Variants in PIP5K1C observed in about 807,000 individuals in gnomAD.
PIP5K1C encodes the protein phosphatidylinositol-4-phosphate 5-kinase type 1 gamma.
Under a neutral mutation model 80.1 loss-of-function variants are expected in PIP5K1C, and 45 were observed. That is an observed-to-expected ratio of 0.56 (90% CI 0.44 to 0.72). The LOEUF (loss-of-function observed/expected upper bound fraction) is 0.72, where lower values mean the gene tolerates loss of function less well. Ranked by LOEUF, PIP5K1C falls within the 30% of genes least tolerant of loss-of-function variation. The pLI is 0.00. For synonymous variants in PIP5K1C, 498 were observed against 420.1 expected (o/e 1.19, Z -2.27); for missense variants, 753 against 954.6 (o/e 0.79, Z 2.78).
intron 1 of PIP5K1C, among the ~76,000 whole-genome samples, chr19:3,681,970 C>T (rs570448027): frequency 5.3e-4 from 80 of 152,266 alleles, no homozygotes; most frequent in African/African-American, 1.8e-3. Context: ...TATGCTTCCA[C>T]GAGCCCAGAT....
intron 16 of PIP5K1C, chr19:3,636,481 C>T (rs1449718428): frequency 2.0e-6 from 2 of 985,476 alleles, no homozygotes; most frequent in South Asian, 4.7e-5. Context: ...CCAAGCACCC[C>T]CCTCCGTAGG....
Position 3,644,229 on chromosome 19 carries a change from CT to C in PIP5K1C, c.1367del (p.Lys456ArgfsTer9). The C allele has an allele frequency of 6.2e-7, 1 of 1,612,438 alleles. No homozygotes were observed. On this transcript the variant is annotated frameshift_variant, in exon 12 of 18. Coordinates refer to ENST00000335312, the MANE Select transcript of PIP5K1C (RefSeq NM_012398.3). LOFTEE classifies it high-confidence loss of function. The part of the protein sequence containing the change: ...KNSSLKSSPS[K>X]KGRGGALLAV... ...CTAGCAAGGCTCCGCCGCGCCCCTTCTTGGAGGGCGAGGACTTCAGGGCTGC... is the reference window on the plus strand; with the variant it reads ...CTAGCAAGGCTCCGCCGCGCCCCTTCTGGAGGGCGAGGACTTCAGGGCTGC...
intron 1 of PIP5K1C, among the ~76,000 whole-genome samples, chr19:3,697,288 G>C (rs1304421664): frequency 2.0e-5 from 3 of 150,860 alleles, no homozygotes; most frequent in African/African-American, 7.3e-5. Flanking sequence ...GCCGGATAGA[G>C]GACCGAGCCG....
intron 1 of PIP5K1C, among the ~76,000 whole-genome samples, chr19:3,690,165 G>A (rs2035902959): frequency 6.6e-6 from 1 of 151,682 alleles, no homozygotes; most frequent in Admixed American, 6.6e-5. Flanking sequence ...CATGGCTGTA[G>A]CATGAAGGTA....
Position 3,692,614 on chromosome 19 carries a change from G to A in PIP5K1C, c.94+7683C>T, listed in dbSNP as rs2035981169. On this transcript the variant is annotated intron_variant, in intron 1 of 17. Coordinates refer to ENST00000335312, the MANE Select transcript of PIP5K1C (RefSeq NM_012398.3). This position sits in a 1 kb window ranked among gnomAD's most constrained non-coding sequence, Gnocchi z 5.2. ...CCCAGCTTCGCCCACCTGGGCCAGT[G>A]CAGTCCCCTCTGCCCTGGTTCCCCT... Among the ~76,000 whole-genome samples the A allele has an allele frequency of 6.6e-6, 1 of 152,078 alleles. No homozygotes were observed. Among genetic ancestry groups the A allele is most frequent in the Non-Finnish European group, 1.5e-5 (1 of 67,996 alleles).
At chr19:3,670,604 A>C (rs1396041501) in intron 1 of PIP5K1C, among the ~76,000 whole-genome samples, 2 of 152,218 alleles carry the variant, frequency 1.3e-5, no homozygotes, top group African/African-American at 4.8e-5. Context: ...CAAGCCCCCC[A>C]GTCCCGGGGA....
At position 3,648,843 on chromosome 19, in the gene PIP5K1C, C is replaced by T; in HGVS notation, c.1128-135G>A. 1 of 705,238 alleles carries T rather than the reference C, an allele frequency of 1.4e-6. No homozygotes were observed. Among genetic ancestry groups the T allele is most frequent in the Admixed American group, 2.1e-5 (1 of 46,738 alleles). The allele number at this position is 705,238 out of a possible 1,614,324, so 43.7% of individuals were successfully genotyped here. A position where few individuals can be genotyped will look rare whatever the true frequency, so the allele number is the denominator to read the frequency against. On this transcript the variant is annotated intron_variant, in intron 8 of 17. Transcript: ENST00000335312. This position sits in a 1 kb window ranked among gnomAD's most constrained non-coding sequence, Gnocchi z 4.3. ...ACTTGGCCAAGCTCTCGGAGTGGGG[C>T]CTGGCACCCGGGAACCTCTGTCCTG...
At chr19:3,667,507 C>T (rs1223503657) in intron 1 of PIP5K1C, among the ~76,000 whole-genome samples, 154 bp from the exon 2 acceptor site, 1 of 152,236 alleles carries the variant, frequency 6.6e-6, no homozygotes, top group East Asian at 1.9e-4. Context: ...AAGACATGGA[C>T]TGAGTGCGCT....
intron 3 of PIP5K1C, 87 bp from the exon 4 acceptor site, chr19:3,662,088 A>C: frequency 3.4e-6 from 5 of 1,481,502 alleles, no homozygotes; most frequent in Non-Finnish European, 4.5e-6. Context: ...GGAGATCGTG[A>C]CCAGCTGCAG....
At chr19:3,658,521 A>G (rs2034716930) in intron 5 of PIP5K1C, among the ~76,000 whole-genome samples, 1 of 152,188 alleles carries the variant, frequency 6.6e-6, no homozygotes, top group South Asian at 2.1e-4. Context: ...CCTCCCAGAC[A>G]CAGGCGCAGC....
Position 3,633,462 on chromosome 19 carries a change from G to C in PIP5K1C, c.1979C>G (p.Pro660Arg). ...TGTGTCGCTCTCGCCGTCGGAGGCC[G>C]GGGGGGCCTGGGCGCTATAGTGGAG... ...SPLHYSAQAP[P>R]ASDGESDT The change falls in exon 17 of 18, where the codon CCG (proline) becomes CGG (arginine). Residue 660 changes from proline to arginine, a missense_variant. Physicochemically the swap from Pro to Arg is moderately radical, Grantham distance 103 (BLOSUM62 -2). Coordinates refer to ENST00000335312, the MANE Select transcript of PIP5K1C (RefSeq NM_012398.3). 1.4e-6 allele frequency: 2 copies of C among 1,472,100 alleles called. No individual in the cohort carries two copies. Among genetic ancestry groups the C allele is most frequent in the Non-Finnish European group, 9.1e-7 (1 of 1,104,808 alleles). The allele number at this position is 1,472,100 out of a possible 1,614,324, so 91.2% of individuals were successfully genotyped here.
chr19:3,685,871 A>AT (rs2035745108), intron 1 of PIP5K1C, among the ~76,000 whole-genome samples: 1 of 151,066 alleles, frequency 6.6e-6, no homozygotes, highest in South Asian at 2.2e-4. Flanking sequence ...GTTCATCTTG[A>AT]TTTTTTTGTA....
Position 3,647,401 on chromosome 19 carries a change from C to T in PIP5K1C, c.1212-15G>A. 1 of 1,574,806 alleles carries T rather than the reference C, an allele frequency of 6.3e-7. No individual in the cohort carries two copies. The highest frequency in any genetic ancestry group is 8.6e-7 in the Non-Finnish European group (1 of 1,159,240). On this transcript the variant is annotated splice_polypyrimidine_tract_variant and intron_variant, in intron 9 of 17. Coordinates refer to ENST00000335312, the MANE Select transcript of PIP5K1C (RefSeq NM_012398.3). ...TCTTGATGAACCTGTGGAGAGAGCA[C>T]CCGGAGTGGCAGCTGACATCAGCCA... is the stretch of plus-strand genomic sequence containing the variant.
At chr19:3,673,828 G>A (rs1336042521) in intron 1 of PIP5K1C, 3 of 152,460 alleles carry the variant, frequency 2.0e-5, no homozygotes, top group Non-Finnish European at 2.9e-5. Flanking sequence ...AGGCTGGGGT[G>A]GGGACCCGGA....
intron 1 of PIP5K1C, among the ~76,000 whole-genome samples, chr19:3,694,616 C>A (rs2036044916): frequency 6.6e-6 from 1 of 152,256 alleles, no homozygotes; most frequent in Non-Finnish European, 1.5e-5. Context: ...GATGCCCGTG[C>A]CACCCGCTGT....
rs375746488 is a variant in PIP5K1C, at chr19:3,690,469, C to T, written c.94+9828G>A. On this transcript the variant is annotated intron_variant, in intron 1 of 17. Coordinates refer to ENST00000335312, the MANE Select transcript of PIP5K1C (RefSeq NM_012398.3). ...CTGAACTCTAGCCTGGGTGATACAG[C>T]GAGACCCTGTCTTAAAAAAAAAAAA... 5.5e-5 allele frequency among the ~76,000 whole-genome samples: 8 copies of T among 145,498 alleles called. No homozygotes were observed. The East Asian group carries it at 9.8e-4, about 18-fold the overall frequency.
intron 7 of PIP5K1C, among the ~76,000 whole-genome samples, 168 bp downstream of exon 7, chr19:3,653,122 T>C (rs1199904235): frequency 2.0e-5 from 3 of 152,230 alleles, no homozygotes; most frequent in African/African-American, 7.2e-5. Context: ...GTTAAGGCCA[T>C]AAAAGCTTGA....
At position 3,651,936 on chromosome 19, in the gene PIP5K1C, C is replaced by G. The variant is rs1323333351; in HGVS notation, c.1017G>C (p.Gln339His). Residue 339 changes from glutamine to histidine, a missense_variant, in exon 8 of 18, where the codon CAG becomes CAC. Physicochemically the swap from Gln to His is conservative, Grantham distance 24. This residue lies in a region of PIP5K1C where 105 missense variants were observed against 133.4 expected (regional missense o/e 0.79). Coordinates refer to ENST00000335312, the MANE Select transcript of PIP5K1C (RefSeq NM_012398.3). ...HERERQAQGA[Q>H]STSDEKRPVG... ...CAGGCCGCTTCTCATCTGAGGTGCT[C>G]TGGGCGCCCTGCGCCTGCCGCTCGC... is the stretch of plus-strand genomic sequence containing the variant. 1.2e-6 allele frequency: 2 copies of G among 1,612,774 alleles called. No individual in the cohort carries two copies.
In PIP5K1C at chr19:3,648,115, C is replaced by G. The variant is rs1480329180; in HGVS notation, c.1211+510G>C. 6.6e-6 allele frequency among the ~76,000 whole-genome samples: 1 copy of G among 152,090 alleles called. No individual in the cohort carries two copies. The highest frequency in any genetic ancestry group is 2.4e-5 in the African/African-American group (1 of 41,414). On this transcript the variant is annotated intron_variant, in intron 9 of 17. Coordinates refer to ENST00000335312, the MANE Select transcript of PIP5K1C (RefSeq NM_012398.3). This position sits in a 1 kb window ranked among gnomAD's most constrained non-coding sequence, Gnocchi z 4.3. ...TAGCTCACTGCTGCAGCCCCAGACT[C>G]CTGGGCCCAAGGAATCCTCCTGCCT...
Sources: allele counts gnomAD v4.1 joint callset (sites outside exome capture counted in the v4.1 genomes callset), GRCh38; gene constraint gnomAD v4.1.1; regional missense constraint gnomAD v4.1.1; non-coding constraint Gnocchi (gnomAD v3.1); transcripts MANE v1.5; gene names NCBI Gene and HGNC (gene_info 2026-07-23, HGNC 2026-07-21).